The following ZFHX3 variants were observed in gnomAD, a reference collection of about 807,000 sequenced individuals.
The protein encoded by ZFHX3 is zinc finger homeobox protein 3.
ZFHX3 carries 42 observed loss-of-function variants against 279.1 expected under a neutral mutation model. The ratio of observed to expected loss-of-function variants is 0.15; its 90% CI spans 0.12 to 0.19. The LOEUF (loss-of-function observed/expected upper bound fraction) is 0.19, where lower values mean the gene tolerates loss of function less well. Among genes scored for constraint, ZFHX3 ranks in the 10% least tolerant of loss-of-function variants. The pLI is 1.00. For synonymous variants in ZFHX3, 2,293 were observed against 1,957.8 expected, an observed-to-expected ratio of 1.17 and a Z score of -4.52; for missense variants, 4,981 against 4,754.0, an observed-to-expected ratio of 1.05 and a Z score of -1.40.
At chr16:73,077,620 T>C (rs1254616857) in intron 8 of ZFHX3, among the ~76,000 whole-genome samples, 1 of 151,900 alleles carries the variant, frequency 6.6e-6, no homozygotes, top group East Asian at 1.9e-4. Context: ...GCAAAAACAA[T>C]GAGGAAGTAA....
chr16:73,391,337 C>T (rs991608333), intron 3 of ZFHX3, among the ~76,000 whole-genome samples: 5 of 152,112 alleles, frequency 3.3e-5, no homozygotes, highest in Non-Finnish European at 7.3e-5. Context: ...CACCTGTAAT[C>T]CCAGCTACTC....
At chr16:73,060,654 A>G (rs1468148469), upstream of ZFHX3, 1 of 151,998 alleles carries the variant, frequency 6.6e-6, no homozygotes, top group Non-Finnish European at 1.5e-5. Flanking sequence ...TTGAAATTAC[A>G]ATGTCTGGAA....
chr16:73,003,676 A>G (rs1182648806), intron 1 of ZFHX3, among the ~76,000 whole-genome samples: 3 of 152,198 alleles, frequency 2.0e-5, no homozygotes, highest in Non-Finnish European at 2.9e-5. Flanking sequence ...ACTGCACTCC[A>G]GCCTGGACGA....
At chr16:73,885,333 C>T (rs1567440054) in intron 1 of ZFHX3, among the ~76,000 whole-genome samples, 1 of 152,116 alleles carries the variant, frequency 6.6e-6, no homozygotes, top group East Asian at 1.9e-4. Flanking sequence ...TTTTATATGA[C>T]ATTCATGATT....
chr16:73,109,110 G>T (rs554938862), intron 7 of ZFHX3, among the ~76,000 whole-genome samples: 3 of 152,226 alleles, frequency 2.0e-5, no homozygotes, highest in Non-Finnish European at 4.4e-5. Flanking sequence ...TGGTCTTTCC[G>T]CAGGACTAGA....
At chr16:73,726,375 G>A (rs764515797) in intron 1 of ZFHX3, among the ~76,000 whole-genome samples, 1 of 152,282 alleles carries the variant, frequency 6.6e-6, no homozygotes, top group Non-Finnish European at 1.5e-5. Flanking sequence ...CTGCAAGGAT[G>A]GACTAGAAGG....
chr16:73,735,596 T>C (rs2053602545), intron 1 of ZFHX3, among the ~76,000 whole-genome samples: 1 of 152,156 alleles, frequency 6.6e-6, no homozygotes, highest in African/African-American at 2.4e-5. Flanking sequence ...GTATATGCGA[T>C]CACTGTACAT....
chr16:73,287,401 G>C (rs1028740564), intron 4 of ZFHX3, among the ~76,000 whole-genome samples: 2 of 145,980 alleles, frequency 1.4e-5, no homozygotes, highest in African/African-American at 5.1e-5. Context: ...TGGTGGGTGT[G>C]TGGCTGTGTG....
chr16:73,336,653 T>C (rs1278307495), intron 3 of ZFHX3, among the ~76,000 whole-genome samples: 1 of 152,130 alleles, frequency 6.6e-6, no homozygotes, highest in African/African-American at 2.4e-5. Flanking sequence ...GGCCTCTAGG[T>C]TGATTCCATG....
chr16:73,783,018 T>C (rs1019726157), intron 1 of ZFHX3, among the ~76,000 whole-genome samples: 1 of 152,104 alleles, frequency 6.6e-6, no homozygotes, highest in African/African-American at 2.4e-5. Flanking sequence ...GCTGGGGCAA[T>C]ATGGAAGTGC....
upstream of ZFHX3, among the ~76,000 whole-genome samples, chr16:73,049,472 C>T (rs1965409886): frequency 6.6e-6 from 1 of 152,284 alleles, no homozygotes; most frequent in Admixed American, 6.5e-5. Flanking sequence ...ATCACATCCC[C>T]GTATAGAAGG....
intron 5 of ZFHX3, among the ~76,000 whole-genome samples, chr16:73,149,288 T>C (rs965492584): frequency 1.3e-5 from 2 of 148,900 alleles, no homozygotes; most frequent in Non-Finnish European, 3.0e-5. Context: ...TTACATAATA[T>C]TATCAGCAGA....
intron 1 of ZFHX3, among the ~76,000 whole-genome samples, chr16:73,024,695 G>C (rs1237503656): frequency 6.6e-6 from 1 of 152,224 alleles, no homozygotes; most frequent in Admixed American, 6.5e-5. Context: ...GGGTTACCCT[G>C]ATTTGTGAGC....
intron 2 of ZFHX3, among the ~76,000 whole-genome samples, chr16:73,507,735 A>G (rs1368670477): frequency 6.6e-6 from 1 of 151,764 alleles, no homozygotes. Context: ...TCGTGGCTTC[A>G]AGCAATCCTC....
At chr16:72,975,217 G>A (rs112369860) in intron 1 of ZFHX3, among the ~76,000 whole-genome samples, 132 of 152,198 alleles carry the variant, frequency 8.7e-4, no homozygotes, top group African/African-American at 1.3e-3. Context: ...CGAGGTGGGC[G>A]GATCACTGGA....
intron 5 of ZFHX3, among the ~76,000 whole-genome samples, chr16:73,161,677 T>C (rs564025612): frequency 4.6e-5 from 7 of 152,308 alleles, no homozygotes; most frequent in African/African-American, 1.4e-4. Flanking sequence ...TTCTAAGACC[T>C]ACTGAGTTTG....
intron 4 of ZFHX3, among the ~76,000 whole-genome samples, chr16:72,887,213 G>A (rs1461257996): frequency 1.3e-5 from 2 of 152,124 alleles, no homozygotes; most frequent in Non-Finnish European, 2.9e-5. Context: ...GCTTTGGAGG[G>A]GCTTAGGAGG....
intron 1 of ZFHX3, among the ~76,000 whole-genome samples, chr16:73,726,257 A>G (rs1234279979): frequency 1.3e-5 from 2 of 152,174 alleles, no homozygotes; most frequent in Non-Finnish European, 2.9e-5. Flanking sequence ...TTGTGAGGGT[A>G]AATGTGTAAC....
intron 1 of ZFHX3, among the ~76,000 whole-genome samples, chr16:73,055,694 G>GCACACACACCCACA (rs753027373): frequency 1.4e-5 from 2 of 138,040 alleles, no homozygotes. Flanking sequence ...GCGCGCGCGC[G>GCACACACACCCACA]CGCGCACACA....
Sources: gnomAD v4.1 joint callset for allele counts (sites outside exome capture counted in the v4.1 genomes callset) on GRCh38, gnomAD v4.1.1 for gene constraint, MANE v1.5 for transcripts, NCBI Gene and HGNC (gene_info 2026-07-23, HGNC 2026-07-21) for gene names.